Variants in DCAF17 observed in about 807,000 individuals in gnomAD.
The protein encoded by DCAF17 is DDB1 and CUL4 associated factor 17.
DCAF17 carries 48 observed loss-of-function variants against 66.0 expected under a neutral mutation model. The ratio of observed to expected loss-of-function variants is 0.73; its 90% CI spans 0.58 to 0.92. The LOEUF (loss-of-function observed/expected upper bound fraction) is 0.92, where lower values mean the gene tolerates loss of function less well. DCAF17 is among the 40% of genes least tolerant of loss of function. The pLI, the probability that DCAF17 is intolerant of heterozygous loss-of-function variation, is 0.00. For missense variants in DCAF17, 562 were observed against 622.8 expected, an observed-to-expected ratio of 0.90 and a Z score of 1.04; for synonymous variants, 206 against 214.6, an observed-to-expected ratio of 0.96 and a Z score of 0.35.
At chr2:171,446,591 G>C (rs1350648955) in intron 3 of DCAF17, among the ~76,000 whole-genome samples, 1 of 151,780 alleles carries the variant, frequency 6.6e-6, no homozygotes, top group Non-Finnish European at 1.5e-5. Flanking sequence ...GAAAAATAAT[G>C]AATCTAAGTG....
intron 3 of DCAF17, among the ~76,000 whole-genome samples, chr2:171,446,030 G>A (rs1694602326): frequency 6.6e-6 from 1 of 151,974 alleles, no homozygotes; most frequent in African/African-American, 2.4e-5. Context: ...AGACGTTGTA[G>A]AATAAATGCA....
chr2:171,465,202 AG>A (rs1695826930), intron 8 of DCAF17, among the ~76,000 whole-genome samples: 1 of 151,294 alleles, frequency 6.6e-6, no homozygotes, highest in African/African-American at 2.4e-5. Context: ...TGTCTCAAAA[AG>A]GAAAAAAAAA....
intron 7 of DCAF17, 23 bp from the exon 8 acceptor site, chr2:171,458,349 T>G: frequency 1.9e-6 from 3 of 1,588,302 alleles, no homozygotes; most frequent in Non-Finnish European, 1.7e-6. Flanking sequence ...AAAGCCACCA[T>G]TTTTGTTTTG....
chr2:171,470,543 T>A (rs1426685621), intron 9 of DCAF17, among the ~76,000 whole-genome samples: 1 of 152,176 alleles, frequency 6.6e-6, no homozygotes, highest in Non-Finnish European at 1.5e-5. Context: ...CAAGTACTTA[T>A]CACATGGCTG....
rs776877044 is a variant in DCAF17 at position 171,448,709 on chromosome 2, A to G, written c.350A>G (p.Tyr117Cys). Residue 117 changes from tyrosine (Y) to cysteine (C), a missense_variant, in exon 4 of 14, where the codon TAT (tyrosine) becomes TGT (cysteine). Tyr to Cys is a radical substitution (Grantham distance 194). Transcript: ENST00000375255. ...VGDILPNSSD[Y>C]KSSLIALTAH... The stretch of plus-strand genomic sequence containing the variant: ...GATATACTTCCCAATTCATCAGATT[A>G]TAAGTCCTCACTCATAGCACTGACT... 2.2e-5 allele frequency: 36 copies of G among 1,610,614 alleles called. No homozygotes were observed. The highest frequency in any genetic ancestry group is 2.9e-5 in the Non-Finnish European group (34 of 1,178,624).
chr2:171,438,287 C>T (rs1268181776), intron 2 of DCAF17, among the ~76,000 whole-genome samples: 1 of 152,126 alleles, frequency 6.6e-6, no homozygotes, highest in Non-Finnish European at 1.5e-5. Context: ...ATGTGGTCTA[C>T]CTTGGTGAAC....
intron 13 of DCAF17, 125 bp from the exon 14 acceptor site, chr2:171,480,849 C>A: frequency 8.3e-7 from 1 of 1,210,960 alleles, no homozygotes; most frequent in Non-Finnish European, 1.2e-6. Flanking sequence ...AAACCTCTTT[C>A]TAGCAACTAT....
At chr2:171,465,115 A>C (rs1574378981) in intron 8 of DCAF17, among the ~76,000 whole-genome samples, 1 of 151,658 alleles carries the variant, frequency 6.6e-6, no homozygotes, top group Non-Finnish European at 1.5e-5. Flanking sequence ...GGAGAATCGC[A>C]TGAACCCGGG....
chr2:171,437,707 T>C (rs994410079), intron 2 of DCAF17, among the ~76,000 whole-genome samples: 3 of 152,258 alleles, frequency 2.0e-5, no homozygotes, highest in Non-Finnish European at 2.9e-5. Flanking sequence ...CCTAGACTTA[T>C]TCATAATATT....
At chr2:171,450,808 G>A (rs28742013) in intron 5 of DCAF17, among the ~76,000 whole-genome samples, 37,497 of 151,850 alleles carry the variant, frequency 0.25, 4,705 homozygotes, top group Admixed American at 0.31. Flanking sequence ...TTACTAATTT[G>A]ATCTTCAGCA....
chr2:171,468,816 G>C, intron 8 of DCAF17, 72 bp from the exon 9 acceptor site: 5 of 1,587,440 alleles, frequency 3.1e-6, no homozygotes, highest in East Asian at 4.5e-5. Context: ...AAGAAAGGTT[G>C]AATTCAGTTA....
chr2:171,451,785 A>G (rs1332976465), intron 5 of DCAF17, among the ~76,000 whole-genome samples: 1 of 152,152 alleles, frequency 6.6e-6, no homozygotes, highest in African/African-American at 2.4e-5. Context: ...CATGTTGGCC[A>G]GCATGGTCTC....
At chr2:171,471,295 C>T (rs1282982635) in intron 9 of DCAF17, among the ~76,000 whole-genome samples, 2 of 152,138 alleles carry the variant, frequency 1.3e-5, no homozygotes, top group Non-Finnish European at 2.9e-5. Flanking sequence ...AAAATGTAAG[C>T]AGCCGAACTT....
chr2:171,440,825 G>A (rs1185486778), intron 2 of DCAF17, among the ~76,000 whole-genome samples: 1 of 152,122 alleles, frequency 6.6e-6, no homozygotes, highest in Non-Finnish European at 1.5e-5. Context: ...TCCAGTTTTG[G>A]AGGCAGCAGT....
intron 6 of DCAF17, among the ~76,000 whole-genome samples, chr2:171,456,188 C>T (rs1695250698): frequency 6.6e-6 from 1 of 152,022 alleles, no homozygotes; most frequent in African/African-American, 2.4e-5. Flanking sequence ...TTAATTTTTG[C>T]GTATGGTGTA....
intron 8 of DCAF17, among the ~76,000 whole-genome samples, chr2:171,463,966 C>T (rs1242790255): frequency 1.3e-5 from 2 of 152,150 alleles, no homozygotes; most frequent in Non-Finnish European, 2.9e-5. Flanking sequence ...TACAGACAAA[C>T]ACACATATAT....
chr2:171,477,910 A>G (rs1696571294), intron 11 of DCAF17, 77 bp from the exon 12 acceptor site: 6 of 1,296,604 alleles, frequency 4.6e-6, no homozygotes, highest in Non-Finnish European at 5.6e-6. Flanking sequence ...AGTTTTACCA[A>G]ATTTGTTAAT....
Position 171,484,906 on chromosome 2 carries a change from C to T in DCAF17, c.*3792C>T, listed in dbSNP as rs1360391728. ...GATTTATTCATGTTGTTGCATGTGT[C>T]AGTGATTCATTTCTTTTTATTGCTG... On this transcript the variant is annotated 3_prime_UTR_variant, in exon 14 of 14. Coordinates refer to ENST00000375255, the MANE Select transcript of DCAF17 (RefSeq NM_025000.4). 1 of 453,920 alleles carries T rather than the reference C, an allele frequency of 2.2e-6. No homozygotes were observed. Among genetic ancestry groups the T allele is most frequent in the Non-Finnish European group, 4.4e-6 (1 of 226,740 alleles). 28.1% of individuals were successfully genotyped at this position (453,920 alleles called of 1,614,324 possible).
chr2:171,439,276 G>A (rs932684250), intron 2 of DCAF17, among the ~76,000 whole-genome samples: 3 of 151,308 alleles, frequency 2.0e-5, no homozygotes, highest in Non-Finnish European at 4.4e-5. Flanking sequence ...CTTCCTTCTG[G>A]TATTCCCATT....
Sources: gnomAD v4.1 joint callset for allele counts (sites outside exome capture counted in the v4.1 genomes callset) on GRCh38, gnomAD v4.1.1 for gene constraint, MANE v1.5 for transcripts, NCBI Gene and HGNC (gene_info 2026-07-23, HGNC 2026-07-21) for gene names.